FOXN2: variants seen among roughly 807,000 people sequenced by gnomAD.
FOXN2 encodes the protein forkhead box protein N2.
A neutral mutation model predicts 41.2 loss-of-function variants in FOXN2; 19 were observed. That is an observed-to-expected ratio of 0.46 (90% CI 0.32 to 0.68). The LOEUF (loss-of-function observed/expected upper bound fraction) is 0.68, where lower values mean the gene tolerates loss of function less well. FOXN2 is among the 30% of genes least tolerant of loss of function. FOXN2 has a pLI of 0.03. For missense variants in FOXN2, 587 were observed against 509.4 expected (o/e 1.15, Z -1.47); for synonymous variants, 195 against 176.8 (o/e 1.10, Z -0.82).
At chr2:48,361,514 C>T (rs1259775420) in intron 4 of FOXN2, among the ~76,000 whole-genome samples, 1 of 151,108 alleles carries the variant, frequency 6.6e-6, no homozygotes, top group Non-Finnish European at 1.5e-5. Context: ...TTATATATAA[C>T]CTTTTGACTT....
intron 4 of FOXN2, 62 bp downstream of exon 4, chr2:48,359,209 A>G: frequency 8.8e-7 from 1 of 1,132,612 alleles, no homozygotes; most frequent in East Asian, 2.4e-5. Flanking sequence ...TGAGATGGAG[A>G]AACTTAAAGG....
Position 48,375,666 on chromosome 2 carries a change from T to C in FOXN2, c.*223T>C. ...TGAAGTCCTAAAAGCATAATTTTTG[T>C]GATAAATGTGTCCAAGATTTGAAAA... On this transcript the variant is annotated 3_prime_UTR_variant, in exon 7 of 7. Transcript: ENST00000340553. 2.5e-6 allele frequency: 1 copy of C among 405,530 alleles called. No homozygotes were observed. The allele number at this position is 405,530 out of a possible 1,614,324, so 25.1% of individuals were successfully genotyped here.
chr2:48,371,269 G>A (rs1469123850), intron 5 of FOXN2, among the ~76,000 whole-genome samples: 2 of 151,998 alleles, frequency 1.3e-5, no homozygotes, highest in African/African-American at 4.8e-5. Flanking sequence ...GTGGTGGCAC[G>A]CCTCTGTAAT....
At chr2:48,339,277 C>G (rs7576648) in intron 2 of FOXN2, among the ~76,000 whole-genome samples, 18,337 of 151,968 alleles carry the variant, frequency 0.12, 1,305 homozygotes, top group African/African-American at 0.2. Context: ...AATTGTAATC[C>G]GAATTGTAAT....
chr2:48,344,425 A>G (rs1670965251), intron 2 of FOXN2, among the ~76,000 whole-genome samples: 1 of 152,238 alleles, frequency 6.6e-6, no homozygotes, highest in Non-Finnish European at 1.5e-5. Context: ...TACTGTTGCC[A>G]GCACATATTG....
chr2:48,317,571 C>CA (rs1435481149), intron 1 of FOXN2, among the ~76,000 whole-genome samples: 8 of 129,938 alleles, frequency 6.2e-5, no homozygotes, highest in African/African-American at 2.3e-4. Context: ...CAGATGTGTA[C>CA]AATGCCTATA....
intron 3 of FOXN2, among the ~76,000 whole-genome samples, chr2:48,348,737 A>G (rs571029452): frequency 3.7e-4 from 57 of 152,340 alleles, no homozygotes; most frequent in African/African-American, 1.3e-3. Context: ...TCAGACTCCT[A>G]CAGAGATGGA....
At chr2:48,348,678 G>A (rs1191672463) in intron 3 of FOXN2, among the ~76,000 whole-genome samples, 1 of 152,232 alleles carries the variant, frequency 6.6e-6, no homozygotes, top group African/African-American at 2.4e-5. Context: ...ATTGAGAAGA[G>A]TTTTGAGTGT....
chr2:48,339,479 T>G (rs1481265407), intron 2 of FOXN2, among the ~76,000 whole-genome samples: 1 of 152,164 alleles, frequency 6.6e-6, no homozygotes, highest in Non-Finnish European at 1.5e-5. Context: ...TCTGCCATGA[T>G]TGTAAGTTTC....
intron 3 of FOXN2, among the ~76,000 whole-genome samples, chr2:48,355,462 T>C (rs1197882493): frequency 6.6e-6 from 1 of 152,056 alleles, no homozygotes; most frequent in Non-Finnish European, 1.5e-5. Flanking sequence ...AACTTGTAAA[T>C]CGTCTCATAA....
chr2:48,326,128 A>C (rs1669658407), intron 1 of FOXN2, among the ~76,000 whole-genome samples: 1 of 152,122 alleles, frequency 6.6e-6, no homozygotes, highest in Non-Finnish European at 1.5e-5. Context: ...GGGATTACAG[A>C]CATGAGCCAC....
intron 3 of FOXN2, 48 bp from the exon 4 acceptor site, chr2:48,358,999 C>T: frequency 7.3e-7 from 1 of 1,366,522 alleles, no homozygotes; most frequent in South Asian, 1.2e-5. Context: ...TAGACGCTGA[C>T]TGTTTATGTA....
chr2:48,331,921 T>C (rs916755650), intron 2 of FOXN2, among the ~76,000 whole-genome samples: 6 of 152,006 alleles, frequency 3.9e-5, no homozygotes, highest in Admixed American at 3.3e-4. Context: ...ATATTTTTAA[T>C]GTACTGTAGC....
rs200646671 is a variant in FOXN2, at chr2:48,375,468, C to T, written c.*25C>T. 1.0e-3 allele frequency: 1,625 copies of T among 1,567,438 alleles called. 1 individual carries two copies. Among genetic ancestry groups the T allele is most frequent in the Non-Finnish European group, 1.3e-3 (1,528 of 1,158,760 alleles). On this transcript the variant is annotated 3_prime_UTR_variant, in exon 7 of 7. Coordinates refer to ENST00000340553, the MANE Select transcript of FOXN2 (RefSeq NM_002158.4). Reference sequence around the variant, plus strand: ...GAAATACTTAAAGTGTGGCAATACTCTTTCACTTAATTCTTTACAAGGGAT... The same window carrying T: ...GAAATACTTAAAGTGTGGCAATACTTTTTCACTTAATTCTTTACAAGGGAT...
chr2:48,347,533 TTGTGTG>T (rs113177559), intron 3 of FOXN2, among the ~76,000 whole-genome samples: 24 of 148,130 alleles, frequency 1.6e-4, no homozygotes, highest in Non-Finnish European at 3.0e-4. Flanking sequence ...AGCCGAGGTG[TTGTGTG>T]TGTGTGTGTG....
chr2:48,320,400 C>G (rs1000517914), intron 1 of FOXN2, among the ~76,000 whole-genome samples: 2 of 151,962 alleles, frequency 1.3e-5, no homozygotes, highest in African/African-American at 4.8e-5. Context: ...AAGCAGTTCT[C>G]CAGCCTCAGC....
intron 5 of FOXN2, among the ~76,000 whole-genome samples, chr2:48,370,496 A>T (rs1672819958): frequency 6.6e-6 from 1 of 151,956 alleles, no homozygotes; most frequent in South Asian, 2.1e-4. Context: ...CTCCTTCAGG[A>T]TTTCTCTGAC....
intron 1 of FOXN2, among the ~76,000 whole-genome samples, chr2:48,315,626 C>T (rs1432950610): frequency 6.6e-6 from 1 of 152,230 alleles, no homozygotes; most frequent in Non-Finnish European, 1.5e-5. Context: ...TGCCCCACTG[C>T]AGCAGCAGCC....
intron 5 of FOXN2, among the ~76,000 whole-genome samples, chr2:48,370,827 T>C (rs1391697530): frequency 1.3e-5 from 2 of 152,186 alleles, no homozygotes; most frequent in East Asian, 3.8e-4. Flanking sequence ...TTTTTGCTTT[T>C]GTTACCTATG....
Sources: allele counts gnomAD v4.1 joint callset (sites outside exome capture counted in the v4.1 genomes callset), GRCh38; gene constraint gnomAD v4.1.1; transcripts MANE v1.5; gene names NCBI Gene and HGNC (gene_info 2026-07-23, HGNC 2026-07-21).